The following ST8SIA2 variants were observed in gnomAD, a reference collection of about 807,000 sequenced individuals.
ST8SIA2 encodes the protein alpha-2,8-sialyltransferase 8B.
A neutral mutation model predicts 37.6 loss-of-function variants in ST8SIA2; 22 were observed. That is an observed-to-expected ratio of 0.58 (90% CI 0.42 to 0.83). The LOEUF is 0.83. Among genes scored for constraint, ST8SIA2 ranks in the 40% least tolerant of loss-of-function variants. The probability of loss-of-function intolerance (pLI) is 0.00; values close to 1 mark genes in which losing one functional copy is unlikely to be tolerated. For missense variants in ST8SIA2, 382 were observed against 484.7 expected (o/e 0.79, Z 1.99); for synonymous variants, 205 against 201.2 (o/e 1.02, Z -0.16).
chr15:92,466,589 G>C lies in ST8SIA2; in HGVS notation c.*2204G>C, dbSNP rs1596254152. On this transcript the variant is annotated 3_prime_UTR_variant, in exon 6 of 6. Coordinates refer to ENST00000268164, the MANE Select transcript of ST8SIA2 (RefSeq NM_006011.4). ...GTCAAAGGGCCAGAACTCCTTGGGG[G>C]ACCAGAACATGGTTTTCCTTCTGCC... 1 of 152,196 alleles carries C rather than the reference G, an allele frequency of 6.6e-6. No individual in the cohort carries two copies. The highest frequency in any genetic ancestry group is 2.4e-5 in the African/African-American group (1 of 41,420). The allele number at this position is 152,196 out of a possible 1,614,324, so 9.4% of individuals were successfully genotyped here.
At chr15:92,459,791 G>A (rs987303450) in intron 5 of ST8SIA2, among the ~76,000 whole-genome samples, 2 of 152,164 alleles carry the variant, frequency 1.3e-5, no homozygotes, top group Non-Finnish European at 2.9e-5. Context: ...TAGAGACGGG[G>A]TTTCACCATG....
intron 5 of ST8SIA2, among the ~76,000 whole-genome samples, chr15:92,445,486 T>A (rs1373372500): frequency 6.6e-6 from 1 of 152,228 alleles, no homozygotes; most frequent in African/African-American, 2.4e-5. Flanking sequence ...TATCTTTATG[T>A]CTCAGTGCAA....
intron 1 of ST8SIA2, among the ~76,000 whole-genome samples, chr15:92,409,879 T>A (rs867233330): frequency 5.9e-5 from 9 of 152,364 alleles, no homozygotes; most frequent in East Asian, 1.9e-4. Context: ...TTACAGGTGC[T>A]TACAAGCCCT....
At chr15:92,399,392 T>C (rs951111284) in intron 1 of ST8SIA2, among the ~76,000 whole-genome samples, 2 of 152,140 alleles carry the variant, frequency 1.3e-5, no homozygotes, top group African/African-American at 4.8e-5. Context: ...AGGCCCTGTC[T>C]GGGAAAACAC....
At chr15:92,462,504 C>G (rs1031868401) in intron 5 of ST8SIA2, among the ~76,000 whole-genome samples, 2 of 152,198 alleles carry the variant, frequency 1.3e-5, no homozygotes, top group African/African-American at 2.4e-5. Flanking sequence ...CCACCCCAAC[C>G]TTTCAGCTAA....
rs188574326 is a variant in ST8SIA2, at chr15:92,418,191, C to T, written c.99-11858C>T. On this transcript the variant is annotated intron_variant, in intron 1 of 5. Coordinates refer to ENST00000268164, the MANE Select transcript of ST8SIA2 (RefSeq NM_006011.4). ...ACTATGGGCCTGGCATGGTGGCTCACGCCTATAATCCCAGCAGTTTGGGAG... is the reference window on the plus strand; with the variant it reads ...ACTATGGGCCTGGCATGGTGGCTCATGCCTATAATCCCAGCAGTTTGGGAG... Among the ~76,000 whole-genome samples, 6 of 152,146 alleles carry T rather than the reference C, an allele frequency of 3.9e-5. No homozygotes were observed. In the South Asian group the frequency reaches 6.2e-4, roughly 16 times the overall value.
rs1164859881 is a variant in ST8SIA2 at position 92,464,534 on chromosome 15, A to G, written c.*149A>G. ...AACAGTGACCAGAATATATATATCT[A>G]TACCTGCATATATATATTGACCTGA... On this transcript the variant is annotated 3_prime_UTR_variant, in exon 6 of 6. Coordinates refer to ENST00000268164, the MANE Select transcript of ST8SIA2 (RefSeq NM_006011.4). The G allele has an allele frequency of 1.2e-5, 9 of 774,632 alleles. No individual in the cohort carries two copies. Among genetic ancestry groups the G allele is most frequent in the Non-Finnish European group, 1.9e-5 (9 of 462,666 alleles). The allele number at this position is 774,632 out of a possible 1,614,324, so 48.0% of individuals were successfully genotyped here. A position where few individuals can be genotyped will look rare whatever the true frequency, so the allele number is the denominator to read the frequency against.
chr15:92,437,109 G>A (rs1282636302), intron 3 of ST8SIA2, among the ~76,000 whole-genome samples: 2 of 152,184 alleles, frequency 1.3e-5, no homozygotes, highest in Admixed American at 6.5e-5. Context: ...ATCCTGCAGC[G>A]TCTAACATTT....
chr15:92,413,923 C>T (rs955577331), intron 1 of ST8SIA2, among the ~76,000 whole-genome samples: 1 of 152,202 alleles, frequency 6.6e-6, no homozygotes, highest in Non-Finnish European at 1.5e-5. Flanking sequence ...CTCAGGGCAC[C>T]GTCTATAGGC....
At chr15:92,401,269 C>T (rs1012860566) in intron 1 of ST8SIA2, among the ~76,000 whole-genome samples, 6 of 152,304 alleles carry the variant, frequency 3.9e-5, no homozygotes, top group African/African-American at 9.6e-5. Context: ...CGCCTGTGGC[C>T]GGCCGGCTGA....
rs1337340704 is a variant in ST8SIA2 at position 92,464,727 on chromosome 15, G to C, written c.*342G>C. On this transcript the variant is annotated 3_prime_UTR_variant, in exon 6 of 6. Coordinates refer to ENST00000268164, the MANE Select transcript of ST8SIA2 (RefSeq NM_006011.4). Reference sequence around the variant, plus strand: ...GACTTTGGATGACAAACTGCCTCCTGGCTTGGAGGGATCTTTGGGCTCATG... The same window carrying C: ...GACTTTGGATGACAAACTGCCTCCTCGCTTGGAGGGATCTTTGGGCTCATG... The C allele has an allele frequency of 3.1e-6, 1 of 319,116 alleles. No individual in the cohort carries two copies. The highest frequency in any genetic ancestry group is 3.5e-5 in the South Asian group (1 of 28,778). The allele number at this position is 319,116 out of a possible 1,614,324, so 19.8% of individuals were successfully genotyped here. A position where few individuals can be genotyped will look rare whatever the true frequency, so the allele number is the denominator to read the frequency against.
intron 1 of ST8SIA2, among the ~76,000 whole-genome samples, chr15:92,407,815 A>G (rs1021936907): frequency 1.3e-5 from 2 of 152,226 alleles, no homozygotes; most frequent in African/African-American, 4.8e-5. Context: ...GGCAAGGGAT[A>G]TTGGTATTCT....
intron 1 of ST8SIA2, among the ~76,000 whole-genome samples, chr15:92,416,096 C>T (rs987202627): frequency 1.3e-5 from 2 of 151,978 alleles, no homozygotes; most frequent in Admixed American, 1.3e-4. Context: ...GTAGGGAGGG[C>T]TGGCAGATCA....
chr15:92,460,188 T>C (rs1468791353), intron 5 of ST8SIA2, among the ~76,000 whole-genome samples: 3 of 152,224 alleles, frequency 2.0e-5, no homozygotes, highest in African/African-American at 7.2e-5. Flanking sequence ...TAAATATATC[T>C]CATTCTTGGG....
In ST8SIA2 at chr15:92,444,936, G is replaced by C; in HGVS notation, c.842+7G>C. On this transcript the variant is annotated splice_region_variant and intron_variant, in intron 5 of 5. Coordinates refer to ENST00000268164, the MANE Select transcript of ST8SIA2 (RefSeq NM_006011.4). Reference sequence around the variant, plus strand: ...TGCTGCACGCCGTTCGCGGGTGAGCGGCCTCCCTACAGGCCAGTAGGACCG... The same window carrying C: ...TGCTGCACGCCGTTCGCGGGTGAGCCGCCTCCCTACAGGCCAGTAGGACCG... 1 of 1,608,462 alleles carries C rather than the reference G, an allele frequency of 6.2e-7. No individual in the cohort carries two copies. The highest frequency in any genetic ancestry group is 8.5e-7 in the Non-Finnish European group (1 of 1,180,006).
intron 5 of ST8SIA2, among the ~76,000 whole-genome samples, chr15:92,446,599 A>C (rs2049844582): frequency 6.6e-6 from 1 of 152,244 alleles, no homozygotes; most frequent in South Asian, 2.1e-4. Context: ...GAATAAAATA[A>C]AGATCTCAGA....
chr15:92,463,053 T>G (rs1300105659), intron 5 of ST8SIA2, among the ~76,000 whole-genome samples: 1 of 152,154 alleles, frequency 6.6e-6, no homozygotes, highest in Non-Finnish European at 1.5e-5. Flanking sequence ...AAACATTAGG[T>G]TCAGCAGAGA....
chr15:92,397,341 A>G (rs2049439216), intron 1 of ST8SIA2, among the ~76,000 whole-genome samples: 1 of 152,188 alleles, frequency 6.6e-6, no homozygotes, highest in Non-Finnish European at 1.5e-5. Context: ...AAAGTTATAC[A>G]TCATGAATTG....
At chr15:92,430,412 T>C (rs1233236319) in intron 2 of ST8SIA2, among the ~76,000 whole-genome samples, 1 of 152,236 alleles carries the variant, frequency 6.6e-6, no homozygotes, top group East Asian at 1.9e-4. Context: ...ACTTGCATGT[T>C]TGCTGAGCAA....
Sources: gnomAD v4.1 joint callset for allele counts (sites outside exome capture counted in the v4.1 genomes callset) on GRCh38, gnomAD v4.1.1 for gene constraint, MANE v1.5 for transcripts, NCBI Gene and HGNC (gene_info 2026-07-23, HGNC 2026-07-21) for gene names.